The following LOC128092252 variants were observed in gnomAD, a reference collection of about 807,000 sequenced individuals.
At chr15:50,673,582 C>G in the LOC128092252 span, among the ~76,000 whole-genome samples, 1 of 152,132 alleles carries the variant, frequency 6.6e-6, no homozygotes, top group Non-Finnish European at 1.5e-5. Context: ...TCATCCAGGT[C>G]ACTGTGAATG....
At chr15:50,683,270 G>A in the LOC128092252 span, among the ~76,000 whole-genome samples, 8 of 151,470 alleles carry the variant, frequency 5.3e-5, no homozygotes, top group African/African-American at 1.9e-4. Context: ...TATGTTGAAA[G>A]ATTTCCCAAA....
chr15:50,685,173 C>G, the LOC128092252 span, among the ~76,000 whole-genome samples: 4 of 152,200 alleles, frequency 2.6e-5, no homozygotes, highest in Non-Finnish European at 5.9e-5. Flanking sequence ...TTTGAAATCT[C>G]CCATGTTGGC....
the LOC128092252 span, among the ~76,000 whole-genome samples, chr15:50,667,642 G>A: frequency 2.0e-5 from 3 of 152,148 alleles, no homozygotes; most frequent in African/African-American, 7.2e-5. Context: ...AGGAGGTGGA[G>A]GTAACAGTGA....
chr15:50,672,834 A>G, the LOC128092252 span, among the ~76,000 whole-genome samples: 2 of 133,696 alleles, frequency 1.5e-5, no homozygotes, highest in Non-Finnish European at 3.1e-5. Flanking sequence ...CGCTTGAACC[A>G]GGGAAGCAGA....
At chr15:50,654,896 G>A in the LOC128092252 span, among the ~76,000 whole-genome samples, 25 of 149,678 alleles carry the variant, frequency 1.7e-4, no homozygotes, top group African/African-American at 6.1e-4. Context: ...AGCTACTCGG[G>A]AGGCTGAGGC....
the LOC128092252 span, among the ~76,000 whole-genome samples, chr15:50,679,513 TATA>T: frequency 4.8e-5 from 3 of 61,878 alleles, no homozygotes; most frequent in African/African-American, 3.0e-4. Flanking sequence ...ATATATATAA[TATA>T]TATATATATA....
At chr15:50,656,616 G>A in the LOC128092252 span, among the ~76,000 whole-genome samples, 123 of 151,448 alleles carry the variant, frequency 8.1e-4, 1 homozygote, top group East Asian at 0.015. Flanking sequence ...GATTACAGGC[G>A]CGAACCATCA....
the LOC128092252 span, among the ~76,000 whole-genome samples, chr15:50,683,136 C>G: frequency 6.6e-6 from 1 of 151,814 alleles, no homozygotes; most frequent in Non-Finnish European, 1.5e-5. Flanking sequence ...GATCCACCCG[C>G]CTCAGTCTCT....
At chr15:50,662,937 A>G in the LOC128092252 span, 5 of 1,499,130 alleles carry the variant, frequency 3.3e-6, no homozygotes, top group Non-Finnish European at 3.7e-6. Context: ...AATTTCTAGA[A>G]GACCCCAGAA....
the LOC128092252 span, among the ~76,000 whole-genome samples, chr15:50,654,294 A>G: frequency 3.3e-5 from 5 of 150,972 alleles, no homozygotes; most frequent in African/African-American, 7.3e-5. Flanking sequence ...AAAAATATAA[A>G]AAATTAGCTG....
chr15:50,678,249 AAAC>A, the LOC128092252 span, among the ~76,000 whole-genome samples: 7 of 125,626 alleles, frequency 5.6e-5, 1 homozygote, highest in African/African-American at 3.0e-5. Flanking sequence ...CAAAAAAAAA[AAAC>A]AAAAACAAAA....
chr15:50,681,999 G>A, the LOC128092252 span, among the ~76,000 whole-genome samples: 52,689 of 151,536 alleles, frequency 0.35, 10,330 homozygotes, highest in Admixed American at 0.48. Flanking sequence ...CCAACATGGG[G>A]AAACCCTGTC....
the LOC128092252 span, among the ~76,000 whole-genome samples, chr15:50,683,746 A>C: frequency 6.6e-6 from 1 of 152,050 alleles, no homozygotes; most frequent in Non-Finnish European, 1.5e-5. Context: ...AACAACAACA[A>C]CAAAAAAAAC....
the LOC128092252 span, among the ~76,000 whole-genome samples, chr15:50,680,924 C>G: frequency 6.6e-6 from 1 of 152,064 alleles, no homozygotes; most frequent in Non-Finnish European, 1.5e-5. Context: ...ATGGAGAAAA[C>G]AGTATTGACA....
the LOC128092252 span, among the ~76,000 whole-genome samples, chr15:50,670,230 T>C: frequency 6.6e-6 from 1 of 152,048 alleles, no homozygotes; most frequent in Non-Finnish European, 1.5e-5. Flanking sequence ...AGGATTCTCT[T>C]ATAAAAGAAG....
chr15:50,685,478 AT>A, the LOC128092252 span, among the ~76,000 whole-genome samples: 2 of 152,234 alleles, frequency 1.3e-5, no homozygotes, highest in East Asian at 3.8e-4. Flanking sequence ...ACAAAAAAGA[AT>A]AAGGTGGAAA....
the LOC128092252 span, among the ~76,000 whole-genome samples, chr15:50,686,293 C>A: frequency 1.3e-5 from 2 of 152,202 alleles, no homozygotes; most frequent in Admixed American, 6.5e-5. Context: ...GGAGCCGAGT[C>A]TCGGCTCAGG....
chr15:50,664,150 T>C, the LOC128092252 span, among the ~76,000 whole-genome samples: 2 of 151,614 alleles, frequency 1.3e-5, no homozygotes, highest in East Asian at 1.9e-4. Flanking sequence ...ATACAAAAAT[T>C]AGCTGGGTGT....
chr15:50,686,679 C>T, the LOC128092252 span: 12 of 1,071,496 alleles, frequency 1.1e-5, no homozygotes, highest in African/African-American at 1.6e-5. Context: ...TCAGAACTAA[C>T]TCAGCTCCGG....
Sources: allele counts gnomAD v4.1 joint callset (sites outside exome capture counted in the v4.1 genomes callset), GRCh38; gene constraint gnomAD v4.1.1; transcripts MANE v1.5.